NCALD: variants seen among roughly 807,000 people sequenced by gnomAD.
NCALD encodes neurocalcin-delta.
Under a neutral mutation model 18.6 loss-of-function variants are expected in NCALD, and 10 were observed. The observed-to-expected ratio is 0.54, with a 90% CI of 0.33 to 0.91. The LOEUF (loss-of-function observed/expected upper bound fraction) is 0.91. Ranked by LOEUF, NCALD falls within the 40% of genes least tolerant of loss-of-function variation. The pLI is 0.03. For missense variants in NCALD, 184 were observed against 247.6 expected, an observed-to-expected ratio of 0.74 and a Z score of 1.72; for synonymous variants, 88 against 87.4, an observed-to-expected ratio of 1.01 and a Z score of -0.04.
intron 1 of NCALD, among the ~76,000 whole-genome samples, chr8:102,066,686 C>T (rs564343360): frequency 7.2e-5 from 11 of 152,208 alleles, no homozygotes; most frequent in Non-Finnish European, 1.5e-4. Context: ...ACTTGGGGCA[C>T]GTCTGAATAG....
chr8:101,982,609 G>C (rs1388813912), intron 2 of NCALD, among the ~76,000 whole-genome samples: 1 of 152,126 alleles, frequency 6.6e-6, no homozygotes, highest in Non-Finnish European at 1.5e-5. Flanking sequence ...GAGAGGCCGA[G>C]GCTGGTGGAT....
intron 1 of NCALD, among the ~76,000 whole-genome samples, chr8:102,030,802 C>G (rs184600937): frequency 6.6e-6 from 1 of 151,896 alleles, no homozygotes; most frequent in Non-Finnish European, 1.5e-5. Flanking sequence ...CTTGAACCCA[C>G]GAGGTGGAGG....
chr8:101,870,401 T>C (rs1456068547), intron 4 of NCALD, among the ~76,000 whole-genome samples: 1 of 152,258 alleles, frequency 6.6e-6, no homozygotes, highest in Non-Finnish European at 1.5e-5. Flanking sequence ...CCAAGATCCC[T>C]TTGTTCACAT....
intron 3 of NCALD, among the ~76,000 whole-genome samples, chr8:101,887,440 C>T (rs965562897): frequency 2.6e-5 from 4 of 152,156 alleles, no homozygotes; most frequent in Non-Finnish European, 4.4e-5. Flanking sequence ...ATAACAGGCA[C>T]AGTCTCCAAA....
At chr8:101,743,955 C>T (rs1171751933) in intron 1 of NCALD, among the ~76,000 whole-genome samples, 1 of 152,182 alleles carries the variant, frequency 6.6e-6, no homozygotes, top group Non-Finnish European at 1.5e-5. Flanking sequence ...AGCGTGTGAA[C>T]TCCTTTAAAC....
chr8:101,968,163 G>A (rs1012066702), intron 2 of NCALD, among the ~76,000 whole-genome samples: 1 of 152,154 alleles, frequency 6.6e-6, no homozygotes, highest in African/African-American at 2.4e-5. Context: ...CCCAAACTCT[G>A]GAGTCGGTAG....
chr8:101,703,031 C>T (rs2130171266), intron 2 of NCALD, among the ~76,000 whole-genome samples: 1 of 152,272 alleles, frequency 6.6e-6, no homozygotes, highest in Non-Finnish European at 1.5e-5. Flanking sequence ...TGACCAGAAC[C>T]CTTTTGTTAC....
At chr8:101,934,029 A>G (rs1483140037) in intron 2 of NCALD, among the ~76,000 whole-genome samples, 1 of 152,196 alleles carries the variant, frequency 6.6e-6, no homozygotes, top group African/African-American at 2.4e-5. Context: ...CATAATTTTT[A>G]AAACTTTTTC....
chr8:101,735,175 G>C (rs908868602), intron 1 of NCALD, among the ~76,000 whole-genome samples: 1 of 152,138 alleles, frequency 6.6e-6, no homozygotes, highest in African/African-American at 2.4e-5. Flanking sequence ...ACATAAATCA[G>C]GTAATAAACA....
At chr8:101,878,510 C>T (rs909655688) in intron 4 of NCALD, among the ~76,000 whole-genome samples, 2 of 152,178 alleles carry the variant, frequency 1.3e-5, no homozygotes, top group Non-Finnish European at 2.9e-5. Flanking sequence ...CTCATACAGT[C>T]TTGCTATTTA....
intron 1 of NCALD, among the ~76,000 whole-genome samples, chr8:102,103,284 C>T (rs1303399195): frequency 6.6e-6 from 1 of 152,144 alleles, no homozygotes; most frequent in African/African-American, 2.4e-5. Context: ...AATAAGTTAA[C>T]ACCTAGTGAG....
intron 1 of NCALD, among the ~76,000 whole-genome samples, chr8:102,072,594 A>G (rs1212552103): frequency 6.6e-6 from 1 of 152,148 alleles, no homozygotes; most frequent in Non-Finnish European, 1.5e-5. Flanking sequence ...GAGCAGACAG[A>G]TGGAAGAAAG....
chr8:102,063,016 A>G (rs543677232), intron 1 of NCALD, among the ~76,000 whole-genome samples: 103 of 152,366 alleles, frequency 6.8e-4, no homozygotes, highest in Non-Finnish European at 1.2e-3. Flanking sequence ...TATTTTTATT[A>G]TAACTCACTT....
chr8:101,840,068 T>A (rs1024392179), intron 4 of NCALD, among the ~76,000 whole-genome samples: 2 of 150,930 alleles, frequency 1.3e-5, no homozygotes, highest in African/African-American at 4.9e-5. Context: ...AATGAAGTAC[T>A]CTTAAATGTG....
intron 1 of NCALD, among the ~76,000 whole-genome samples, chr8:102,117,537 C>A (rs1825824998): frequency 6.6e-6 from 1 of 151,550 alleles, no homozygotes; most frequent in Non-Finnish European, 1.5e-5. Context: ...GAACAGTATT[C>A]TCTTATTGCA....
chr8:101,976,959 AG>A lies in NCALD; in HGVS notation c.-157+43277del, dbSNP rs1351181990. Among the ~76,000 whole-genome samples the A allele has an allele frequency of 2.7e-5, 4 of 147,722 alleles. No individual in the cohort carries two copies. The East Asian group carries it at 5.8e-4, about 21-fold the overall frequency. ...GGAAGTGGGGGCCAGGGACAGTGCC[AG>A]GAAGTTAGGGAGGGCCCCTGACCAT... On this transcript the variant is annotated intron_variant, in intron 2 of 6. Transcript: ENST00000311028.
chr8:101,755,099 T>A (rs1483101569), intron 1 of NCALD, among the ~76,000 whole-genome samples: 2 of 152,228 alleles, frequency 1.3e-5, no homozygotes, highest in Non-Finnish European at 2.9e-5. Context: ...GTGAGTCTCA[T>A]CTCTGCAACT....
At chr8:101,746,961 C>T (rs1810451918) in intron 1 of NCALD, among the ~76,000 whole-genome samples, 1 of 152,022 alleles carries the variant, frequency 6.6e-6, no homozygotes, top group Non-Finnish European at 1.5e-5. Context: ...AAAGATGTTC[C>T]AATCAAATAT....
chr8:101,724,678 T>G (rs1462162455), intron 1 of NCALD, among the ~76,000 whole-genome samples: 3 of 152,224 alleles, frequency 2.0e-5, no homozygotes, highest in Non-Finnish European at 2.9e-5. Flanking sequence ...CCTATTAAAC[T>G]TTCACAACCT....
Sources: allele counts gnomAD v4.1 joint callset (sites outside exome capture counted in the v4.1 genomes callset), GRCh38; gene constraint gnomAD v4.1.1; transcripts MANE v1.5; gene names NCBI Gene and HGNC (gene_info 2026-07-23, HGNC 2026-07-21).